The following PDE4D variants were observed in gnomAD, a reference collection of about 807,000 sequenced individuals.
PDE4D encodes 3',5'-cyclic-AMP phosphodiesterase 4D.
A neutral mutation model predicts 87.4 loss-of-function variants in PDE4D; 24 were observed. That is an observed-to-expected ratio of 0.27 (90% CI 0.20 to 0.39). PDE4D has a LOEUF of 0.39. Among genes scored for constraint, PDE4D ranks in the 10% least tolerant of loss-of-function variants. The probability of loss-of-function intolerance (pLI) is 1.00; values close to 1 mark genes in which losing one functional copy is unlikely to be tolerated. For synonymous variants in PDE4D, 384 were observed against 383.2 expected (o/e 1.00, Z -0.02); for missense variants, 714 against 1,041.0 (o/e 0.69, Z 4.32).
At chr5:59,381,341 C>T (rs1282859535) in intron 1 of PDE4D, among the ~76,000 whole-genome samples, 1 of 151,960 alleles carries the variant, frequency 6.6e-6, no homozygotes, top group Non-Finnish European at 1.5e-5. Context: ...ATCGCTTTAC[C>T]CATCAAGACC....
chr5:59,373,524 T>G (rs931293230), intron 1 of PDE4D, among the ~76,000 whole-genome samples: 1 of 151,412 alleles, frequency 6.6e-6, no homozygotes, highest in African/African-American at 2.4e-5. Context: ...CCGAGAAATA[T>G]GAGATTATGT....
In PDE4D at chr5:60,238,660, T is replaced by C. The variant is rs139201634; in HGVS notation, c.-89-52973A>G. ...TTATCAGCCATTTTTTTCTGTCGAT[T>C]GTTTGTTCATATCTTTCACCTATTT... On this transcript the variant is annotated intron_variant, in intron 1 of 16. Coordinates refer to the PDE4D transcript ENST00000502484. Among the ~76,000 whole-genome samples, 932 of 152,154 alleles carry C rather than the reference T, an allele frequency of 6.1e-3. 9 individuals are homozygous for C. The highest frequency in any genetic ancestry group is 0.022 in the African/African-American group (898 of 41,552).
chr5:60,429,331 A>G (rs960719516), intron 1 of PDE4D, among the ~76,000 whole-genome samples: 3 of 152,066 alleles, frequency 2.0e-5, no homozygotes, highest in African/African-American at 7.3e-5. Flanking sequence ...GAGAAATGCT[A>G]CTGATTTTTG....
intron 1 of PDE4D, among the ~76,000 whole-genome samples, chr5:59,875,271 C>T (rs1424778736): frequency 6.6e-6 from 1 of 151,722 alleles, no homozygotes; most frequent in Non-Finnish European, 1.5e-5. Context: ...ACCATCCTGG[C>T]CAACATGGTG....
intron 1 of PDE4D, among the ~76,000 whole-genome samples, chr5:59,671,684 C>T (rs569160907): frequency 4.0e-5 from 6 of 151,526 alleles, no homozygotes; most frequent in East Asian, 1.9e-4. Flanking sequence ...GGTGTGAGCC[C>T]GTAGTCCCAG....
chr5:58,987,175 C>T (rs1746648416), intron 11 of PDE4D, among the ~76,000 whole-genome samples: 3 of 152,194 alleles, frequency 2.0e-5, no homozygotes, highest in African/African-American at 7.2e-5. Flanking sequence ...TGATACCTCC[C>T]CACTGATACC....
intron 5 of PDE4D, among the ~76,000 whole-genome samples, chr5:59,125,911 G>A (rs1026633337): frequency 6.6e-6 from 1 of 152,046 alleles, no homozygotes; most frequent in African/African-American, 2.4e-5. Flanking sequence ...TGGAGCGGGG[G>A]AGGGGGCACA....
rs551590850 is a variant in PDE4D, at chr5:59,549,570, T to C, written c.456-333602A>G. Reference sequence around the variant, plus strand: ...AACCAAGAATGATTTCAAATGGTTATAGGGTTTCAAATGGTAGATGAAACA... The same window carrying C: ...AACCAAGAATGATTTCAAATGGTTACAGGGTTTCAAATGGTAGATGAAACA... On this transcript the variant is annotated intron_variant, in intron 1 of 14. Coordinates refer to ENST00000340635, the MANE Select transcript of PDE4D (RefSeq NM_001104631.2). Among the ~76,000 whole-genome samples, 20 of 152,308 alleles carry C rather than the reference T, an allele frequency of 1.3e-4. 1 individual carries two copies. The South Asian group carries it at 3.5e-3, about 27-fold the overall frequency.
chr5:59,316,929 G>C (rs979279790), intron 1 of PDE4D, among the ~76,000 whole-genome samples: 9 of 152,180 alleles, frequency 5.9e-5, no homozygotes, highest in African/African-American at 9.6e-5. Context: ...AAACCTGCCA[G>C]GTTCAAGTGC....
chr5:59,577,910 TG>T (rs1823442111), intron 1 of PDE4D, among the ~76,000 whole-genome samples: 1 of 152,184 alleles, frequency 6.6e-6, no homozygotes, highest in African/African-American at 2.4e-5. Flanking sequence ...AGAATTTAAA[TG>T]TATAAATATT....
At chr5:60,292,016 G>A (rs1303194823) in intron 1 of PDE4D, among the ~76,000 whole-genome samples, 1 of 152,118 alleles carries the variant, frequency 6.6e-6, no homozygotes, top group Admixed American at 6.5e-5. Flanking sequence ...AAACATTCCT[G>A]TTAAGTAGAA....
intron 2 of PDE4D, among the ~76,000 whole-genome samples, chr5:60,014,098 A>G (rs1010929938): frequency 1.3e-5 from 2 of 151,094 alleles, no homozygotes; most frequent in African/African-American, 4.9e-5. Flanking sequence ...CCTTAAAAAA[A>G]AAAAAAAAAA....
rs565239001 is a variant in PDE4D at position 59,445,746 on chromosome 5, T to A, written c.456-229778A>T. 8.5e-5 allele frequency among the ~76,000 whole-genome samples: 13 copies of A among 152,190 alleles called. No homozygotes were observed. In the East Asian group the frequency reaches 2.3e-3, roughly 27 times the overall value. On this transcript the variant is annotated intron_variant, in intron 1 of 14. Transcript: ENST00000340635. ...TATGTCATGTTGCTTATATAGAATT[T>A]ATTTATTTATTTATTTACCTACCTA...
chr5:59,380,388 C>CAAAAAAAAAAAAA (rs10574102), intron 1 of PDE4D, among the ~76,000 whole-genome samples: 3 of 108,950 alleles, frequency 2.8e-5, no homozygotes, highest in Non-Finnish European at 5.6e-5. Flanking sequence ...CAAAAGCAAT[C>CAAAAAAAAAAAAA]AAAAAAAAAA....
intron 1 of PDE4D, among the ~76,000 whole-genome samples, chr5:59,755,373 A>G (rs1761071760): frequency 6.6e-6 from 1 of 152,216 alleles, no homozygotes; most frequent in Non-Finnish European, 1.5e-5. Flanking sequence ...GTAATATACA[A>G]AGCTTTATTT....
intron 1 of PDE4D, among the ~76,000 whole-genome samples, chr5:60,413,130 C>T (rs914487781): frequency 6.6e-5 from 10 of 152,132 alleles, no homozygotes; most frequent in Non-Finnish European, 1.2e-4. Flanking sequence ...AAGCACATAA[C>T]GTTCATGCTA....
intron 5 of PDE4D, among the ~76,000 whole-genome samples, chr5:59,176,069 C>T (rs1400863423): frequency 6.6e-6 from 1 of 152,146 alleles, no homozygotes; most frequent in African/African-American, 2.4e-5. Context: ...TGCCACACAT[C>T]ATCTTTGTCA....
intron 1 of PDE4D, among the ~76,000 whole-genome samples, chr5:59,231,296 T>TA (rs1755129840): frequency 6.6e-6 from 1 of 152,226 alleles, no homozygotes; most frequent in Non-Finnish European, 1.5e-5. Context: ...GTCTGCCATA[T>TA]TCCATTCTCT....
chr5:59,161,172 A>G (rs903189602), intron 5 of PDE4D, among the ~76,000 whole-genome samples: 6 of 151,758 alleles, frequency 4.0e-5, no homozygotes, highest in African/African-American at 1.5e-4. Flanking sequence ...GGTCTCAATC[A>G]GTTTAGAAAG....
Sources: gnomAD v4.1 joint callset for allele counts (sites outside exome capture counted in the v4.1 genomes callset) on GRCh38, gnomAD v4.1.1 for gene constraint, MANE v1.5 for transcripts, NCBI Gene and HGNC (gene_info 2026-07-23, HGNC 2026-07-21) for gene names.